The following PDSS2 variants were observed in gnomAD, a reference collection of about 807,000 sequenced individuals.
The protein encoded by PDSS2 is decaprenyl diphosphate synthase subunit 2, also known as all trans-polyprenyl-diphosphate synthase PDSS2.
Under a neutral mutation model 44.5 loss-of-function variants are expected in PDSS2, and 31 were observed. That is an observed-to-expected ratio of 0.70 (90% CI 0.52 to 0.94). The LOEUF (loss-of-function observed/expected upper bound fraction) is 0.94. Among genes scored for constraint, PDSS2 ranks in the 40% least tolerant of loss-of-function variants. The probability of loss-of-function intolerance (pLI) is 0.00; values close to 1 mark genes in which losing one functional copy is unlikely to be tolerated. For missense variants in PDSS2, 452 were observed against 482.2 expected (o/e 0.94, Z 0.59); for synonymous variants, 157 against 180.3 (o/e 0.87, Z 1.03).
intron 2 of PDSS2, among the ~76,000 whole-genome samples, chr6:107,319,007 TACAC>T (rs139943860): frequency 6.8e-6 from 1 of 147,420 alleles, no homozygotes; most frequent in African/African-American, 2.5e-5. Flanking sequence ...TATATATATA[TACAC>T]ACACACACAC....
intron 1 of PDSS2, among the ~76,000 whole-genome samples, chr6:107,377,764 T>C (rs1233822599): frequency 6.6e-6 from 1 of 152,032 alleles, no homozygotes; most frequent in African/African-American, 2.4e-5. Context: ...GAAATCATCA[T>C]TCTCAGTAAA....
At chr6:107,404,820 C>A (rs996834283) in intron 1 of PDSS2, among the ~76,000 whole-genome samples, 3 of 151,992 alleles carry the variant, frequency 2.0e-5, no homozygotes, top group Admixed American at 2.0e-4. Context: ...GATTAATATT[C>A]CTGAGGGAGA....
chr6:107,392,991 T>C (rs1779829264), intron 1 of PDSS2, among the ~76,000 whole-genome samples: 1 of 152,118 alleles, frequency 6.6e-6, no homozygotes, highest in Admixed American at 6.6e-5. Flanking sequence ...GGTCTACTGA[T>C]TTTTTAAAAA....
At chr6:107,205,644 T>G (rs565310062) in intron 6 of PDSS2, among the ~76,000 whole-genome samples, 25 of 152,242 alleles carry the variant, frequency 1.6e-4, no homozygotes, top group African/African-American at 6.0e-4. Flanking sequence ...TCAGCAAATG[T>G]TTTTCAGCTG....
chr6:107,345,170 G>A (rs952247531), intron 1 of PDSS2, among the ~76,000 whole-genome samples: 5 of 151,704 alleles, frequency 3.3e-5, no homozygotes, highest in African/African-American at 1.2e-4. Flanking sequence ...CACTACCACA[G>A]CCCGTCTGTG....
intron 1 of PDSS2, among the ~76,000 whole-genome samples, chr6:107,415,085 C>A (rs554717867): frequency 6.6e-6 from 1 of 152,184 alleles, no homozygotes; most frequent in African/African-American, 2.4e-5. Context: ...TGAACCTCCA[C>A]CTCCGGGTTC....
chr6:107,352,632 G>A (rs12210365), intron 1 of PDSS2, among the ~76,000 whole-genome samples: 4,512 of 152,270 alleles, frequency 0.03, 115 homozygotes, highest in African/African-American at 0.06. Flanking sequence ...AACAGCAAGA[G>A]GTGATGTACA....
intron 4 of PDSS2, among the ~76,000 whole-genome samples, chr6:107,227,210 T>C (rs1165262262): frequency 1.3e-5 from 2 of 150,800 alleles, no homozygotes; most frequent in Non-Finnish European, 2.9e-5. Context: ...CTCGAACTCC[T>C]GACCTCAAGT....
rs77185865 is a variant in PDSS2, at chr6:107,297,168, T to C, written c.432-22941A>G. On this transcript the variant is annotated intron_variant, in intron 2 of 7. Coordinates refer to ENST00000369037, the MANE Select transcript of PDSS2 (RefSeq NM_020381.4). The stretch of plus-strand genomic sequence containing the variant: ...TAACCAGTGGATGACATGGGGGTAG[T>C]GACAATTAAAAGACCAGTGTTTCCC... Among the ~76,000 whole-genome samples the C allele has an allele frequency of 0.013, 1,995 of 152,240 alleles. 115 individuals carry two copies. In the East Asian group the frequency reaches 0.19, roughly 15 times the overall value.
intron 1 of PDSS2, among the ~76,000 whole-genome samples, chr6:107,451,855 G>A (rs190420449): frequency 1.2e-3 from 181 of 152,224 alleles, no homozygotes; most frequent in African/African-American, 4.1e-3. Context: ...CTTTGACCCC[G>A]CCAGACTTTG....
chr6:107,424,404 G>A (rs921492908), intron 1 of PDSS2, among the ~76,000 whole-genome samples: 1 of 152,022 alleles, frequency 6.6e-6, no homozygotes, highest in Non-Finnish European at 1.5e-5. Context: ...TCTCTTGCAG[G>A]AACCTTTTTT....
At chr6:107,270,905 C>G (rs1280755653) in intron 3 of PDSS2, among the ~76,000 whole-genome samples, 1 of 152,184 alleles carries the variant, frequency 6.6e-6, no homozygotes, top group Non-Finnish European at 1.5e-5. Context: ...CCTGATGACA[C>G]TGAACTAAAA....
At chr6:107,420,171 A>G (rs1780780607) in intron 1 of PDSS2, among the ~76,000 whole-genome samples, 1 of 152,240 alleles carries the variant, frequency 6.6e-6, no homozygotes, top group South Asian at 2.1e-4. Flanking sequence ...AAATGATGTT[A>G]TATCTTTAGG....
intron 1 of PDSS2, among the ~76,000 whole-genome samples, chr6:107,347,599 C>T (rs1354761662): frequency 1.3e-5 from 2 of 152,100 alleles, no homozygotes; most frequent in Non-Finnish European, 2.9e-5. Context: ...GAGGAGCTTA[C>T]GCTTTTCTTC....
intron 1 of PDSS2, among the ~76,000 whole-genome samples, chr6:107,417,640 T>C (rs1562526351): frequency 6.6e-6 from 1 of 152,070 alleles, no homozygotes. Flanking sequence ...CAGCCTGTAG[T>C]CCCAGCTACT....
intron 2 of PDSS2, among the ~76,000 whole-genome samples, chr6:107,313,406 G>A (rs1473732232): frequency 1.3e-5 from 2 of 152,182 alleles, no homozygotes; most frequent in Non-Finnish European, 2.9e-5. Flanking sequence ...AGGCTGGAGT[G>A]CAGTGGCATG....
chr6:107,318,946 C>A lies in PDSS2; in HGVS notation c.431+15252G>T, dbSNP rs182203673. ...GAGGTTGCAGTGAGCCGAGATTGTGCCATTGCACTCCAGCCTGGGTGACAG... is the reference window on the plus strand; with the variant it reads ...GAGGTTGCAGTGAGCCGAGATTGTGACATTGCACTCCAGCCTGGGTGACAG... On this transcript the variant is annotated intron_variant, in intron 2 of 7. Coordinates refer to ENST00000369037, the MANE Select transcript of PDSS2 (RefSeq NM_020381.4). 4.6e-5 allele frequency among the ~76,000 whole-genome samples: 7 copies of A among 151,916 alleles called. No homozygotes were observed. In the East Asian group the frequency reaches 1.4e-3, roughly 29 times the overall value.
intron 7 of PDSS2, among the ~76,000 whole-genome samples, chr6:107,181,786 A>T (rs958606319): frequency 1.3e-5 from 2 of 150,722 alleles, no homozygotes; most frequent in Non-Finnish European, 3.0e-5. Context: ...GCTACTCAGG[A>T]GGCTGAGGCA....
At chr6:107,200,008 A>G (rs1582774056) in intron 6 of PDSS2, among the ~76,000 whole-genome samples, 1 of 152,318 alleles carries the variant, frequency 6.6e-6, no homozygotes, top group East Asian at 1.9e-4. Flanking sequence ...TTTCATGAAA[A>G]TTAACCAACA....
Sources: gnomAD v4.1 joint callset for allele counts (sites outside exome capture counted in the v4.1 genomes callset) on GRCh38, gnomAD v4.1.1 for gene constraint, MANE v1.5 for transcripts, NCBI Gene and HGNC (gene_info 2026-07-23, HGNC 2026-07-21) for gene names.